HTR1E: variants seen among roughly 807,000 people sequenced by gnomAD.
HTR1E encodes the protein 5-HT-1E.
In HTR1E, 3 loss-of-function variants were observed where a neutral mutation model predicts 3.4. That is an observed-to-expected ratio of 0.89 (90% CI 0.41 to 2.31). The LOEUF (loss-of-function observed/expected upper bound fraction) is 2.31, where lower values mean the gene tolerates loss of function less well. HTR1E is among the 30% of genes most tolerant of loss of function. HTR1E has a pLI of 0.05. For missense variants in HTR1E, 392 were observed against 467.0 expected (o/e 0.84, Z 1.48); for synonymous variants, 170 against 182.8 (o/e 0.93, Z 0.56).
At chr6:87,003,469 G>A (rs1321595659) in intron 1 of HTR1E, among the ~76,000 whole-genome samples, 4 of 151,828 alleles carry the variant, frequency 2.6e-5, no homozygotes, top group Admixed American at 6.6e-5. Context: ...AACCTGGGAT[G>A]CAGAGGTTGC....
intron 1 of HTR1E, among the ~76,000 whole-genome samples, chr6:86,971,454 T>G (rs1163974873): frequency 6.6e-6 from 1 of 152,170 alleles, no homozygotes; most frequent in Non-Finnish European, 1.5e-5. Context: ...CAAATAAAAT[T>G]GTTTCATTTA....
intron 1 of HTR1E, among the ~76,000 whole-genome samples, chr6:87,006,745 A>T (rs1004077659): frequency 1.3e-5 from 2 of 152,202 alleles, no homozygotes; most frequent in African/African-American, 4.8e-5. Flanking sequence ...TGCAGCCATA[A>T]AAAAGGAATG....
chr6:86,953,243 T>A (rs529887313), intron 1 of HTR1E, among the ~76,000 whole-genome samples: 4 of 152,352 alleles, frequency 2.6e-5, no homozygotes, highest in African/African-American at 9.6e-5. Flanking sequence ...CTGGAAGGGT[T>A]CCAGGATACA....
rs555425255 is a variant in HTR1E, at chr6:87,010,699, G to C, written c.-185-4451G>C. 2.7e-5 allele frequency among the ~76,000 whole-genome samples: 4 copies of C among 146,246 alleles called. No homozygotes were observed. In the South Asian group the frequency reaches 9.2e-4, roughly 33 times the overall value. Reference sequence around the variant, plus strand: ...AGGCAGAGGGGCTCCTCACATCCCAGACGATGGGCGGCCAGGCAGAGACAC... The same window carrying C: ...AGGCAGAGGGGCTCCTCACATCCCACACGATGGGCGGCCAGGCAGAGACAC... On this transcript the variant is annotated intron_variant, in intron 1 of 1. Transcript: ENST00000305344.
At chr6:86,987,104 A>T (rs557356949) in intron 1 of HTR1E, among the ~76,000 whole-genome samples, 1 of 152,144 alleles carries the variant, frequency 6.6e-6, no homozygotes, top group Non-Finnish European at 1.5e-5. Flanking sequence ...TATAGAATGC[A>T]TGCTCCCCAA....
chr6:87,015,818 AGCCACC>A lies in HTR1E; in HGVS notation c.488_493del (p.His163_Arg164del). On this transcript the variant is annotated inframe_deletion, in exon 2 of 2. Coordinates refer to ENST00000305344, the MANE Select transcript of HTR1E (RefSeq NM_000865.3). ...CTCCATGCCCCCTCTGTTCTGGAGAAGCCACCGCCGCCTAAGCCCTCCCCCTAGTCA... is the reference window on the plus strand; with the variant it reads ...CTCCATGCCCCCTCTGTTCTGGAGAAGCCGCCTAAGCCCTCCCCCTAGTCA... 1 of 1,613,566 alleles carries A rather than the reference AGCCACC, an allele frequency of 6.2e-7. No individual in the cohort carries two copies. Among genetic ancestry groups the A allele is most frequent in the East Asian group, 2.2e-5 (1 of 44,880 alleles).
intron 1 of HTR1E, among the ~76,000 whole-genome samples, chr6:86,940,606 G>A (rs540581380): frequency 1.3e-5 from 2 of 152,282 alleles, no homozygotes; most frequent in African/African-American, 4.8e-5. Context: ...CTGAACTTTT[G>A]TGTCATCTTC....
At chr6:86,953,753 G>A (rs773720993) in intron 1 of HTR1E, among the ~76,000 whole-genome samples, 2 of 152,164 alleles carry the variant, frequency 1.3e-5, no homozygotes, top group African/African-American at 2.4e-5. Flanking sequence ...CCTGAGACTG[G>A]GTAATATATA....
chr6:86,969,430 C>T (rs960272619), intron 1 of HTR1E, among the ~76,000 whole-genome samples: 3 of 152,238 alleles, frequency 2.0e-5, no homozygotes, highest in African/African-American at 7.2e-5. Context: ...CAGGACTTTT[C>T]TGGTCTGGTC....
chr6:86,951,404 A>C (rs1246319221), intron 1 of HTR1E, among the ~76,000 whole-genome samples: 2 of 152,216 alleles, frequency 1.3e-5, no homozygotes, highest in Non-Finnish European at 2.9e-5. Context: ...TAAGAAATCA[A>C]TTTAAATGGC....
intron 1 of HTR1E, among the ~76,000 whole-genome samples, chr6:87,003,702 T>G (rs1768057743): frequency 6.6e-6 from 1 of 151,802 alleles, no homozygotes; most frequent in African/African-American, 2.4e-5. Context: ...ATAATATGTC[T>G]TATACAACTA....
At chr6:86,998,926 T>C (rs181910384) in intron 1 of HTR1E, among the ~76,000 whole-genome samples, 3 of 152,112 alleles carry the variant, frequency 2.0e-5, no homozygotes, top group East Asian at 1.9e-4. Context: ...GAAAGGAATA[T>C]TGTTTTGGGG....
rs528772569 is a variant in HTR1E, at chr6:87,016,647, A to G, written c.*215A>G. The G allele has an allele frequency of 9.9e-6, 4 of 405,528 alleles. No homozygotes were observed. The East Asian group carries it at 1.5e-4, about 15-fold the overall frequency. 25.1% of individuals were successfully genotyped at this position (405,528 alleles called of 1,614,324 possible). On this transcript the variant is annotated 3_prime_UTR_variant, in exon 2 of 2. Transcript: ENST00000305344. ...CTACCTCTGGTCTTATCTGTGATAC[A>G]TAATTTCAAATAAACATTATCATAC...
At chr6:86,977,344 T>A (rs1353111934) in intron 1 of HTR1E, among the ~76,000 whole-genome samples, 2 of 152,226 alleles carry the variant, frequency 1.3e-5, no homozygotes, top group African/African-American at 4.8e-5. Flanking sequence ...GCTCCATCCA[T>A]GTTGCTACAA....
At chr6:86,995,665 C>CAAAAAAAAAA (rs60134206) in intron 1 of HTR1E, among the ~76,000 whole-genome samples, 7 of 36,680 alleles carry the variant, frequency 1.9e-4, no homozygotes, top group Admixed American at 7.1e-4. Flanking sequence ...GACTCCATCT[C>CAAAAAAAAAA]AAAAAAAAAA....
chr6:86,974,378 TCAAGTGTTG>T (rs1767601344), intron 1 of HTR1E, among the ~76,000 whole-genome samples: 1 of 152,216 alleles, frequency 6.6e-6, no homozygotes. Flanking sequence ...CTGTTCAGAA[TCAAGTGTTG>T]CATTTAATTA....
At chr6:87,004,749 C>T (rs768923263) in intron 1 of HTR1E, among the ~76,000 whole-genome samples, 2 of 152,010 alleles carry the variant, frequency 1.3e-5, no homozygotes, top group Non-Finnish European at 2.9e-5. Flanking sequence ...CTAGAGCAAT[C>T]AGACAAAAGA....
At chr6:87,007,713 T>C (rs902405474) in intron 1 of HTR1E, among the ~76,000 whole-genome samples, 1 of 152,138 alleles carries the variant, frequency 6.6e-6, no homozygotes, top group African/African-American at 2.4e-5. Context: ...AGGTGGTGGA[T>C]CACTTGAGCT....
intron 1 of HTR1E, among the ~76,000 whole-genome samples, chr6:86,975,918 G>GACACAC (rs57513474): frequency 7.6e-5 from 11 of 144,250 alleles, no homozygotes; most frequent in South Asian, 2.2e-4. Context: ...CTCTCTCTGA[G>GACACAC]ACACACACAC....
Sources: gnomAD v4.1 joint callset for allele counts (sites outside exome capture counted in the v4.1 genomes callset) on GRCh38, gnomAD v4.1.1 for gene constraint, MANE v1.5 for transcripts, NCBI Gene and HGNC (gene_info 2026-07-23, HGNC 2026-07-21) for gene names.